Variants in LRRK1 observed in about 807,000 individuals in gnomAD.
LRRK1 encodes the protein leucine rich repeat kinase 1, also known as leucine-rich repeat serine/threonine-protein kinase 1.
In LRRK1, 113 loss-of-function variants were observed where a neutral mutation model predicts 209.1. The observed-to-expected ratio is 0.54, with a 90% CI of 0.46 to 0.63. The LOEUF is 0.63. Among genes scored for constraint, LRRK1 ranks in the 30% least tolerant of loss-of-function variants. LRRK1 has a pLI of 0.00. For missense variants in LRRK1, 2,284 were observed against 2,632.2 expected (o/e 0.87, Z 2.89); for synonymous variants, 1,144 against 1,099.7 (o/e 1.04, Z -0.80).
chr15:100,931,449 C>A (rs1276495022), intron 2 of LRRK1, among the ~76,000 whole-genome samples: 1 of 152,110 alleles, frequency 6.6e-6, no homozygotes, highest in Non-Finnish European at 1.5e-5. Context: ...AATATGAAGC[C>A]ATGTTACGAT....
intron 2 of LRRK1, among the ~76,000 whole-genome samples, chr15:100,938,096 C>G (rs2042336133): frequency 6.6e-6 from 1 of 151,430 alleles, no homozygotes. Context: ...TGAGCTCAAG[C>G]AATCCACTTG....
intron 2 of LRRK1, among the ~76,000 whole-genome samples, chr15:100,964,938 T>C: frequency 6.6e-6 from 1 of 152,206 alleles, no homozygotes. Context: ...TTCCAATGAT[T>C]GGGACAGGAG....
intron 26 of LRRK1, 55 bp downstream of exon 26, chr15:101,053,475 C>T (rs2035605294): frequency 6.8e-7 from 1 of 1,461,144 alleles, no homozygotes; most frequent in Non-Finnish European, 9.2e-7. Context: ...CCCCGGGCGC[C>T]TCCTGCCTGG....
At chr15:100,964,940 G>C (rs1482919191) in intron 2 of LRRK1, among the ~76,000 whole-genome samples, 1 of 152,140 alleles carries the variant, frequency 6.6e-6, no homozygotes, top group East Asian at 1.9e-4. Flanking sequence ...CCAATGATTG[G>C]GACAGGAGTG....
At chr15:101,036,372 T>A (rs1212648741) in intron 20 of LRRK1, among the ~76,000 whole-genome samples, 1 of 152,216 alleles carries the variant, frequency 6.6e-6, no homozygotes, top group African/African-American at 2.4e-5. Flanking sequence ...TTCTGCTTGA[T>A]CTAGCCTATT....
At chr15:100,946,670 G>C (rs2141617017) in intron 2 of LRRK1, among the ~76,000 whole-genome samples, 2 of 152,324 alleles carry the variant, frequency 1.3e-5, no homozygotes, top group Middle Eastern at 6.8e-3. Flanking sequence ...AATAACGCTA[G>C]ATGTCTTAAG....
At chr15:101,020,957 C>G (rs966087584) in intron 12 of LRRK1, 96 bp from the exon 13 acceptor site, 4 of 1,412,842 alleles carry the variant, frequency 2.8e-6, no homozygotes, top group Non-Finnish European at 3.9e-6. Context: ...AAAATGCCCT[C>G]TGGAGGTTGC....
chr15:101,065,238 T>C, intron 31 of LRRK1, 114 bp from the exon 32 acceptor site: 1 of 1,308,842 alleles, frequency 7.6e-7, no homozygotes, highest in Non-Finnish European at 1.1e-6. Context: ...GGCGCACTGG[T>C]GGAAAGTGAC....
chr15:100,966,799 C>T (rs1284432946), intron 2 of LRRK1, among the ~76,000 whole-genome samples: 1 of 152,158 alleles, frequency 6.6e-6, no homozygotes, highest in East Asian at 1.9e-4. Context: ...TGAGCAGGTT[C>T]TAGATTCTTA....
chr15:101,018,178 T>A (rs1433663273), intron 12 of LRRK1, among the ~76,000 whole-genome samples: 8 of 126,594 alleles, frequency 6.3e-5, no homozygotes, highest in African/African-American at 1.8e-4. Flanking sequence ...CAAATTGATT[T>A]AAAAAAAAAA....
chr15:100,925,781 C>T lies in LRRK1; in HGVS notation c.97+1052C>T, dbSNP rs1262693541. On this transcript the variant is annotated intron_variant, in intron 2 of 33. Coordinates refer to ENST00000388948, the MANE Select transcript of LRRK1 (RefSeq NM_024652.6). The stretch of plus-strand genomic sequence containing the variant: ...TGGTACTTTTATTTCCGTTTTATAG[C>T]TGAGGAACATGAGGGTAAGAGAAGC... 2.0e-5 allele frequency among the ~76,000 whole-genome samples: 3 copies of T among 152,126 alleles called. No homozygotes were observed. In the East Asian group the frequency reaches 5.8e-4, roughly 29 times the overall value.
At position 101,027,359 on chromosome 15, in the gene LRRK1, G is replaced by T; in HGVS notation, c.2504G>T (p.Cys835Phe). The T allele has an allele frequency of 6.2e-7, 1 of 1,613,826 alleles. No individual in the cohort carries two copies. The highest frequency in any genetic ancestry group is 1.1e-5 in the South Asian group (1 of 91,078). ...SMKDVGSTIG[C>F]QRLAGRLIPR... Reference sequence around the variant, plus strand: ...AAGGACGTGGGCAGCACCATCGGCTGCCAGCGACTGGCAGGGCGGCTGGTG... The same window carrying T: ...AAGGACGTGGGCAGCACCATCGGCTTCCAGCGACTGGCAGGGCGGCTGGTG... The change falls in exon 18 of 34, where the codon TGC (cysteine) becomes TTC (phenylalanine). Residue 835 changes from cysteine to phenylalanine, a missense_variant. Transcript: ENST00000388948. The surrounding 1 kb of genome is among the most constrained non-coding windows in gnomAD (Gnocchi z 5.1).
chr15:100,975,815 G>A (rs1459859105), intron 3 of LRRK1, among the ~76,000 whole-genome samples: 1 of 152,108 alleles, frequency 6.6e-6, no homozygotes, highest in Non-Finnish European at 1.5e-5. Flanking sequence ...GGTAAAGAAA[G>A]TAGAAGCCAT....
intron 2 of LRRK1, among the ~76,000 whole-genome samples, chr15:100,950,171 G>A (rs1045017336): frequency 6.6e-6 from 1 of 152,174 alleles, no homozygotes; most frequent in Non-Finnish European, 1.5e-5. Flanking sequence ...AGATCAAAAT[G>A]TAAAAATCAA....
At chr15:100,989,929 T>A (rs2032068420) in intron 6 of LRRK1, among the ~76,000 whole-genome samples, 2 of 152,174 alleles carry the variant, frequency 1.3e-5, no homozygotes, top group Non-Finnish European at 2.9e-5. Flanking sequence ...ATTTCTTTTT[T>A]AAATTTTTAT....
At chr15:100,993,269 A>G (rs1286061230) in intron 6 of LRRK1, among the ~76,000 whole-genome samples, 2 of 152,160 alleles carry the variant, frequency 1.3e-5, no homozygotes, top group Non-Finnish European at 2.9e-5. Context: ...TGTTGATTAC[A>G]GTATTTGAGC....
intron 2 of LRRK1, among the ~76,000 whole-genome samples, chr15:100,934,626 C>CA (rs71151991): frequency 0.27 from 19,604 of 72,354 alleles, 2,622 homozygotes; most frequent in Admixed American, 0.38. Flanking sequence ...CCCATCTCTA[C>CA]AAAAAAAAAA....
chr15:100,989,855 T>C (rs2032061486), intron 6 of LRRK1, among the ~76,000 whole-genome samples: 1 of 152,162 alleles, frequency 6.6e-6, no homozygotes. Flanking sequence ...TTCTGGTTTT[T>C]TTTGGTTGTT....
At chr15:100,973,760 G>A (rs56221518) in intron 2 of LRRK1, 44 bp from the exon 3 acceptor site, 27,628 of 1,258,588 alleles carry the variant, frequency 0.022, 868 homozygotes, top group African/African-American at 0.14. Flanking sequence ...GAGCACGCGG[G>A]CAGTGGGCGG....
Sources: gnomAD v4.1 joint callset for allele counts (sites outside exome capture counted in the v4.1 genomes callset) on GRCh38, gnomAD v4.1.1 for gene constraint, Gnocchi (gnomAD v3.1) non-coding constraint, MANE v1.5 for transcripts, NCBI Gene and HGNC (gene_info 2026-07-23, HGNC 2026-07-21) for gene names.